PCDH11X: variants seen among roughly 807,000 people sequenced by gnomAD.
PCDH11X encodes the protein protocadherin-11 X-linked.
Under a neutral mutation model 53.3 loss-of-function variants are expected in PCDH11X, and 18 were observed. That is an observed-to-expected ratio of 0.34 (90% confidence interval 0.23 to 0.50). The LOEUF (loss-of-function observed/expected upper bound fraction) is 0.50, where lower values mean the gene tolerates loss of function less well. Ranked by LOEUF, PCDH11X falls within the 20% of genes least tolerant of loss-of-function variation. The probability of loss-of-function intolerance (pLI) is 0.98; values close to 1 mark genes in which losing one functional copy is unlikely to be tolerated. For synonymous variants in PCDH11X, 279 were observed against 393.3 expected (o/e 0.71, Z 3.44); for missense variants, 570 against 1,032.4 (o/e 0.55, Z 6.14).
intron 8 of PCDH11X, among the ~76,000 whole-genome samples, chrX:92,313,849 G>A (rs138325706): frequency 1.9e-3 from 213 of 111,334 alleles, no homozygotes; most frequent in African/African-American, 6.7e-3. Context: ...TAAAAATACG[G>A]TATAAAAAGG....
chrX:91,993,274 T>G, intron 6 of PCDH11X, among the ~76,000 whole-genome samples: 1 of 113,009 alleles, frequency 8.8e-6, no homozygotes, highest in South Asian at 3.6e-4. Context: ...TTGCAAAATC[T>G]GTGTTCTCAT....
chrX:91,966,683 T>C lies in PCDH11X; in HGVS notation c.3033+87410T>C, dbSNP rs373915632. ...TAAAATAAAATAATAAAATTGCCTTTCAAAAAACAAAAAAAGAAATATTGA... is the reference window on the plus strand; with the variant it reads ...TAAAATAAAATAATAAAATTGCCTTCCAAAAAACAAAAAAAGAAATATTGA... On this transcript the variant is annotated intron_variant, in intron 6 of 10. Coordinates refer to ENST00000682573, the MANE Select transcript of PCDH11X (RefSeq NM_032968.5). 6.3e-5 allele frequency among the ~76,000 whole-genome samples: 7 copies of C among 111,388 alleles called. No individual in the cohort carries two copies. In the South Asian group the frequency reaches 2.6e-3, roughly 42 times the overall value.
chrX:91,981,001 G>T (rs2062124137), intron 6 of PCDH11X, among the ~76,000 whole-genome samples: 1 of 91,551 alleles, frequency 1.1e-5, no homozygotes, highest in Admixed American at 1.3e-4. Context: ...TATATACACT[G>T]AATATATATA....
intron 6 of PCDH11X, among the ~76,000 whole-genome samples, chrX:92,052,165 A>G (rs2063376890): frequency 8.9e-6 from 1 of 112,117 alleles, no homozygotes. Context: ...TTGAATGTTT[A>G]ACTAGTATGA....
At chrX:91,866,818 CTCTG>C (rs1009775823) in intron 5 of PCDH11X, among the ~76,000 whole-genome samples, 3 of 110,807 alleles carry the variant, frequency 2.7e-5, no homozygotes, top group East Asian at 2.8e-4. Context: ...TGCCATCTTG[CTCTG>C]TCTTTCATTA....
In PCDH11X at chrX:92,603,777, C is replaced by T. The variant is rs2556812; in HGVS notation, c.3368-14487C>T. Among the ~76,000 whole-genome samples the T allele has an allele frequency of 6.8e-5, 6 of 87,731 alleles. 1 individual carries two copies. The highest frequency in any genetic ancestry group is 1.3e-4 in the African/African-American group (3 of 22,411). The allele number at this position is 87,731 out of a possible 115,157, so 76.2% of individuals were successfully genotyped here. On this transcript the variant is annotated intron_variant, in intron 10 of 10. Coordinates refer to ENST00000682573, the MANE Select transcript of PCDH11X (RefSeq NM_032968.5). ...CATAAAATACTAAAGGAAATTCTTC[C>T]GACTGAAAGTCAGAGAGTCAAGATA...
chrX:92,487,786 A>G (rs1201406538), intron 10 of PCDH11X, among the ~76,000 whole-genome samples: 1 of 111,182 alleles, frequency 9.0e-6, no homozygotes, highest in Non-Finnish European at 1.9e-5. Context: ...AGGTCTCTTA[A>G]CTAAGAGGCC....
intron 10 of PCDH11X, among the ~76,000 whole-genome samples, chrX:92,609,274 G>A (rs1173595264): frequency 9.0e-6 from 1 of 110,647 alleles, no homozygotes; most frequent in Non-Finnish European, 1.9e-5. Context: ...GAATTGCTGG[G>A]TTTTTTTTCT....
chrX:92,027,071 T>C (rs2062979667), intron 6 of PCDH11X, among the ~76,000 whole-genome samples: 1 of 111,139 alleles, frequency 9.0e-6, no homozygotes, highest in African/African-American at 3.3e-5. Context: ...TTTAAATTTC[T>C]TCCTTGTGTT....
At chrX:92,464,875 G>A (rs1357378756) in intron 9 of PCDH11X, among the ~76,000 whole-genome samples, 2 of 110,680 alleles carry the variant, frequency 1.8e-5, no homozygotes, top group Non-Finnish European at 3.8e-5. Context: ...ACAGTCTTCC[G>A]TACACTGATT....
At chrX:92,524,028 A>G (rs113090449) in intron 10 of PCDH11X, among the ~76,000 whole-genome samples, 16,532 of 108,749 alleles carry the variant, frequency 0.15, 961 homozygotes, top group Admixed American at 0.26. Flanking sequence ...GTTACAAGCC[A>G]TATGAGTAAA....
chrX:91,825,417 G>A (rs1027168875), intron 4 of PCDH11X, among the ~76,000 whole-genome samples: 5 of 111,865 alleles, frequency 4.5e-5, no homozygotes, highest in African/African-American at 1.6e-4. Context: ...CACAGTATTC[G>A]GGTGGGATTG....
intron 7 of PCDH11X, among the ~76,000 whole-genome samples, chrX:92,261,994 A>G: frequency 9.0e-6 from 1 of 111,683 alleles, no homozygotes; most frequent in African/African-American, 3.2e-5. Flanking sequence ...AAGTGGAAGG[A>G]CAAGAAGCAT....
chrX:91,943,364 G>A (rs1176385689), intron 6 of PCDH11X, among the ~76,000 whole-genome samples: 1 of 110,430 alleles, frequency 9.1e-6, no homozygotes, highest in Non-Finnish European at 1.9e-5. Context: ...GGAGTAGACA[G>A]TATACGAAAA....
chrX:92,064,487 AAAATAAATAAAT>A (rs3084448), intron 6 of PCDH11X, among the ~76,000 whole-genome samples: 10 of 89,894 alleles, frequency 1.1e-4, no homozygotes, highest in South Asian at 6.1e-4. Context: ...ACACAAATTA[AAAATAAATAAAT>A]AAATAAATAA....
In PCDH11X at chrX:92,340,927, C is replaced by T. The variant is rs184968273; in HGVS notation, c.3145-46808C>T. On this transcript the variant is annotated intron_variant, in intron 8 of 10. Transcript: ENST00000682573. ...GCTAATTTTTCAACATTTTATGCTCCGCCTCCCCATTAAATATAAGTTCCA... is the reference window on the plus strand; with the variant it reads ...GCTAATTTTTCAACATTTTATGCTCTGCCTCCCCATTAAATATAAGTTCCA... Among the ~76,000 whole-genome samples the T allele has an allele frequency of 2.4e-4, 27 of 111,798 alleles. No homozygotes were observed. The South Asian group carries it at 2.6e-3, about 11-fold the overall frequency.
chrX:92,447,453 G>C (rs1015209517), intron 9 of PCDH11X, among the ~76,000 whole-genome samples: 1 of 111,506 alleles, frequency 9.0e-6, no homozygotes, highest in Non-Finnish European at 1.9e-5. Context: ...CCAAGGTACA[G>C]CTCGAGTCAT....
chrX:91,864,253 C>T (rs968987068), intron 5 of PCDH11X, among the ~76,000 whole-genome samples: 10 of 108,774 alleles, frequency 9.2e-5, no homozygotes, highest in African/African-American at 3.4e-4. Flanking sequence ...GATATTTTCA[C>T]CAGATATACT....
intron 6 of PCDH11X, among the ~76,000 whole-genome samples, chrX:92,004,768 CT>C (rs1171124073): frequency 0.016 from 900 of 57,089 alleles, 2 homozygotes; most frequent in African/African-American, 0.043. Context: ...CTATGTGTGC[CT>C]TTTTTTTTTT....
Sources: gnomAD v4.1 joint callset for allele counts (sites outside exome capture counted in the v4.1 genomes callset) on GRCh38, gnomAD v4.1.1 for gene constraint, MANE v1.5 for transcripts, NCBI Gene and HGNC (gene_info 2026-07-23, HGNC 2026-07-21) for gene names.